RANBP17: variants seen among roughly 807,000 people sequenced by gnomAD.
RANBP17 encodes the protein RAN binding protein 17, also known as ran-binding protein 17.
Under a neutral mutation model 141.2 loss-of-function variants are expected in RANBP17, and 158 were observed. The ratio of observed to expected loss-of-function variants is 1.12; its 90% CI spans 0.98 to 1.28. The LOEUF (loss-of-function observed/expected upper bound fraction) is 1.28. Ranked by LOEUF, RANBP17 falls within the 50% of genes most tolerant of loss-of-function variation. RANBP17 has a pLI of 0.00. For synonymous variants in RANBP17, 430 were observed against 450.0 expected (o/e 0.96, Z 0.56); for missense variants, 1,438 against 1,290.7 (o/e 1.11, Z -1.75).
chr5:171,045,139 CA>C (rs1427570418), intron 14 of RANBP17, among the ~76,000 whole-genome samples: 1 of 151,998 alleles, frequency 6.6e-6, no homozygotes, highest in Non-Finnish European at 1.5e-5. Flanking sequence ...TATAACTTAA[CA>C]AACAATTTGA....
At chr5:171,079,683 A>AT (rs1303761473) in intron 14 of RANBP17, among the ~76,000 whole-genome samples, 15 of 152,176 alleles carry the variant, frequency 9.9e-5, no homozygotes, top group Non-Finnish European at 1.6e-4. Context: ...GATTGTTAGC[A>AT]TTTTTTTAGC....
At position 170,986,687 on chromosome 5, in the gene RANBP17, C is replaced by G. The variant is rs146944217; in HGVS notation, c.1710+18310C>G. Among the ~76,000 whole-genome samples, 45 of 151,942 alleles carry G rather than the reference C, an allele frequency of 3.0e-4. No individual in the cohort carries two copies. The East Asian group carries it at 8.3e-3, about 28-fold the overall frequency. On this transcript the variant is annotated intron_variant, in intron 14 of 27. Coordinates refer to ENST00000523189, the MANE Select transcript of RANBP17 (RefSeq NM_022897.5). ...AAAAACGGGGAATTATCTAAACTTT[C>G]AAGCTTTATCTGTGTATATGGATTT...
intron 14 of RANBP17, among the ~76,000 whole-genome samples, chr5:171,136,298 G>C (rs1220400927): frequency 6.6e-6 from 1 of 152,112 alleles, no homozygotes; most frequent in African/African-American, 2.4e-5. Flanking sequence ...TCCATTTCAA[G>C]ATACCCAAGA....
chr5:171,125,317 A>G (rs1185422079), intron 14 of RANBP17, among the ~76,000 whole-genome samples: 2 of 149,600 alleles, frequency 1.3e-5, no homozygotes, highest in African/African-American at 4.9e-5. Context: ...AAAAAAAAAG[A>G]AAGTGAAGGG....
intron 14 of RANBP17, among the ~76,000 whole-genome samples, chr5:171,006,518 T>A (rs1384233510): frequency 5.3e-5 from 8 of 152,082 alleles, no homozygotes; most frequent in Admixed American, 5.2e-4. Flanking sequence ...ACACTCCACG[T>A]TCTCACTCAT....
At chr5:171,285,779 T>C (rs575593147) in intron 25 of RANBP17, among the ~76,000 whole-genome samples, 1 of 152,334 alleles carries the variant, frequency 6.6e-6, no homozygotes, top group African/African-American at 2.4e-5. Context: ...CCACAGTACA[T>C]CTCTGCCATT....
intron 12 of RANBP17, among the ~76,000 whole-genome samples, chr5:170,949,676 T>C (rs1242620043): frequency 6.6e-6 from 1 of 152,134 alleles, no homozygotes; most frequent in Non-Finnish European, 1.5e-5. Flanking sequence ...TTCCTCAAAA[T>C]GTGAAAAGTA....
At chr5:171,089,825 G>C (rs1009371204) in intron 14 of RANBP17, among the ~76,000 whole-genome samples, 1 of 152,182 alleles carries the variant, frequency 6.6e-6, no homozygotes, top group Non-Finnish European at 1.5e-5. Context: ...GCTCGCGCAC[G>C]GTGCGTGCAC....
chr5:171,245,122 C>CT (rs1490945857), intron 24 of RANBP17, among the ~76,000 whole-genome samples: 2 of 151,610 alleles, frequency 1.3e-5, no homozygotes, highest in African/African-American at 2.4e-5. Flanking sequence ...GAGCAAGACT[C>CT]TGTCTCCAAA....
chr5:171,026,047 A>G (rs1781210839), intron 14 of RANBP17, among the ~76,000 whole-genome samples: 2 of 152,224 alleles, frequency 1.3e-5, no homozygotes, highest in Admixed American at 6.5e-5. Context: ...ATTTTCTGAT[A>G]CTAAATATTT....
intron 14 of RANBP17, among the ~76,000 whole-genome samples, chr5:170,994,168 T>C (rs1386509530): frequency 6.6e-6 from 1 of 152,054 alleles, no homozygotes; most frequent in Non-Finnish European, 1.5e-5. Context: ...AATTGATGAC[T>C]TGCCTTAGGT....
intron 12 of RANBP17, among the ~76,000 whole-genome samples, chr5:170,936,763 A>G (rs1262645250): frequency 6.6e-6 from 1 of 152,044 alleles, no homozygotes; most frequent in Admixed American, 6.5e-5. Context: ...GTCTTTATTG[A>G]TTTCTTTTGT....
rs972123167 is a variant in RANBP17, at chr5:170,894,481, GTT to G, written c.424-1564_424-1563del. Among the ~76,000 whole-genome samples the G allele has an allele frequency of 1.8e-3, 72 of 39,154 alleles. 3 individuals are homozygous for G. Among genetic ancestry groups the G allele is most frequent in the African/African-American group, 3.3e-3 (30 of 9,014 alleles). The allele number at this position is 39,154 out of a possible 152,430, so 25.7% of individuals were successfully genotyped here. A position where few individuals can be genotyped will look rare whatever the true frequency, so the allele number is the denominator to read the frequency against. ...TATCACCATAGAATAGTTAGTACGT[GTT>G]TTTTATATATATATATATATATATG... On this transcript the variant is annotated intron_variant, in intron 4 of 27. Transcript: ENST00000523189.
intron 1 of RANBP17, among the ~76,000 whole-genome samples, chr5:170,873,610 G>C (rs997931506): frequency 2.0e-5 from 3 of 152,258 alleles, no homozygotes; most frequent in East Asian, 3.9e-4. Context: ...ATTTCTTCTA[G>C]ATTTTCTAGT....
chr5:171,010,235 A>T (rs1779945315), intron 14 of RANBP17, among the ~76,000 whole-genome samples: 1 of 152,184 alleles, frequency 6.6e-6, no homozygotes, highest in Admixed American at 6.6e-5. Flanking sequence ...TGGACTTTAG[A>T]GTTCCCACCC....
At chr5:171,175,702 G>A (rs1760421794) in intron 16 of RANBP17, among the ~76,000 whole-genome samples, 1 of 151,946 alleles carries the variant, frequency 6.6e-6, no homozygotes, top group South Asian at 2.1e-4. Flanking sequence ...CTGGTCATTA[G>A]AGAAATGCAA....
chr5:171,114,638 T>A (rs1461098642), intron 14 of RANBP17, among the ~76,000 whole-genome samples: 1 of 150,616 alleles, frequency 6.6e-6, no homozygotes, highest in Non-Finnish European at 1.5e-5. Context: ...AAAGGCTGAA[T>A]GTTTTAATAC....
intron 14 of RANBP17, among the ~76,000 whole-genome samples, chr5:171,112,065 A>T (rs1343034682): frequency 1.3e-5 from 2 of 152,192 alleles, no homozygotes; most frequent in African/African-American, 4.8e-5. Context: ...TAGCAAAGTC[A>T]TCTTGTCCTC....
rs538360038 is a variant in RANBP17, at chr5:170,874,988, G to A, written c.19-3109G>A. Among the ~76,000 whole-genome samples the A allele has an allele frequency of 3.3e-5, 5 of 152,156 alleles. No homozygotes were observed. The South Asian group carries it at 1.0e-3, about 32-fold the overall frequency. ...TACCAGTTTTTCCTTTCCATATTTAGTGCTTCCTTCAGGAGCTCTTGGAAG... is the reference window on the plus strand; with the variant it reads ...TACCAGTTTTTCCTTTCCATATTTAATGCTTCCTTCAGGAGCTCTTGGAAG... On this transcript the variant is annotated intron_variant, in intron 1 of 27. Transcript: ENST00000523189.
Sources: allele counts gnomAD v4.1 joint callset (sites outside exome capture counted in the v4.1 genomes callset), GRCh38; gene constraint gnomAD v4.1.1; transcripts MANE v1.5; gene names NCBI Gene and HGNC (gene_info 2026-07-23, HGNC 2026-07-21).